UNC5D: variants seen among roughly 807,000 people sequenced by gnomAD.
The protein encoded by UNC5D is netrin receptor UNC5D.
UNC5D carries 39 observed loss-of-function variants against 105.4 expected under a neutral mutation model. The observed-to-expected ratio is 0.37, with a 90% CI of 0.29 to 0.48. UNC5D has a LOEUF of 0.48. UNC5D is among the 20% of genes least tolerant of loss of function. The probability of loss-of-function intolerance (pLI) is 0.98; values close to 1 mark genes in which losing one functional copy is unlikely to be tolerated. For missense variants in UNC5D, 991 were observed against 1,202.4 expected (o/e 0.82, Z 2.60); for synonymous variants, 452 against 450.4 (o/e 1.00, Z -0.04).
Position 35,791,717 on chromosome 8 carries a change from A to C in UNC5D, c.*1154A>C, listed in dbSNP as rs533679119. On this transcript the variant is annotated 3_prime_UTR_variant, in exon 17 of 17. Transcript: ENST00000404895. Reference sequence around the variant, plus strand: ...ATAGACTTGAGGAATCCTCTACCACAGTGTCCCTGAAACCACATGCATCAT... The same window carrying C: ...ATAGACTTGAGGAATCCTCTACCACCGTGTCCCTGAAACCACATGCATCAT... The C allele has an allele frequency of 2.0e-5, 3 of 152,264 alleles. No homozygotes were observed. In the East Asian group the frequency reaches 5.8e-4, roughly 29 times the overall value. 9.4% of individuals were successfully genotyped at this position (152,264 alleles called of 1,614,324 possible). A position where few individuals can be genotyped will look rare whatever the true frequency, so the allele number is the denominator to read the frequency against.
rs569115625 is a variant in UNC5D at position 35,437,538 on chromosome 8, G to A, written c.104-111754G>A. 3.7e-4 allele frequency among the ~76,000 whole-genome samples: 57 copies of A among 152,012 alleles called. 1 individual carries two copies. In the South Asian group the frequency reaches 6.2e-3, roughly 17 times the overall value. On this transcript the variant is annotated intron_variant, in intron 1 of 16. Transcript: ENST00000404895. Reference sequence around the variant, plus strand: ...TAAACCATTAAATATGCTAATATCCGTCCCAGGATCAAGGCCAACCAACAT... The same window carrying A: ...TAAACCATTAAATATGCTAATATCCATCCCAGGATCAAGGCCAACCAACAT...
At chr8:35,375,283 T>C (rs1802634190) in intron 1 of UNC5D, among the ~76,000 whole-genome samples, 1 of 152,186 alleles carries the variant, frequency 6.6e-6, no homozygotes, top group African/African-American at 2.4e-5. Flanking sequence ...AAAATGTCTG[T>C]TAAAGGCACC....
chr8:35,671,059 C>T (rs920671830), intron 4 of UNC5D, among the ~76,000 whole-genome samples: 11 of 151,986 alleles, frequency 7.2e-5, no homozygotes, highest in African/African-American at 2.7e-4. Flanking sequence ...ATGTGAGTCT[C>T]CCTTCTGTCC....
intron 1 of UNC5D, among the ~76,000 whole-genome samples, chr8:35,315,245 T>A (rs1444114600): frequency 1.3e-5 from 2 of 152,190 alleles, no homozygotes; most frequent in Non-Finnish European, 2.9e-5. Context: ...CCCCATAACT[T>A]AGTAACTTAA....
At chr8:35,272,017 G>A (rs1170733290) in intron 1 of UNC5D, among the ~76,000 whole-genome samples, 1 of 151,882 alleles carries the variant, frequency 6.6e-6, no homozygotes, top group East Asian at 1.9e-4. Context: ...GCCTTGGTTA[G>A]GTGTAACATA....
intron 1 of UNC5D, among the ~76,000 whole-genome samples, chr8:35,396,110 T>G (rs750284299): frequency 6.6e-6 from 1 of 152,146 alleles, no homozygotes; most frequent in Non-Finnish European, 1.5e-5. Context: ...GAGGTATTTA[T>G]CTCACATTGC....
chr8:35,528,674 G>A (rs1442620314), intron 1 of UNC5D, among the ~76,000 whole-genome samples: 4 of 147,022 alleles, frequency 2.7e-5, no homozygotes, highest in African/African-American at 1.0e-4. Context: ...CAGTGTAAAA[G>A]TGTTCTTATT....
At chr8:35,587,302 A>C (rs1018708320) in intron 3 of UNC5D, among the ~76,000 whole-genome samples, 2 of 152,120 alleles carry the variant, frequency 1.3e-5, no homozygotes, top group African/African-American at 4.8e-5. Context: ...ACACACACAC[A>C]CAATGTGTGT....
At chr8:35,240,327 C>A (rs1381427667) in intron 1 of UNC5D, among the ~76,000 whole-genome samples, 1 of 152,060 alleles carries the variant, frequency 6.6e-6, no homozygotes, top group Non-Finnish European at 1.5e-5. Flanking sequence ...TTGTATTGTA[C>A]CTGTTCCTTA....
intron 1 of UNC5D, among the ~76,000 whole-genome samples, chr8:35,534,582 A>G (rs1458022178): frequency 6.6e-6 from 1 of 151,672 alleles, no homozygotes; most frequent in South Asian, 2.1e-4. Context: ...ATTTACTTCA[A>G]GATCAATTCA....
chr8:35,665,254 A>G (rs1946745), intron 4 of UNC5D, among the ~76,000 whole-genome samples: 135,785 of 152,200 alleles, frequency 0.89, 60,626 homozygotes, highest in East Asian at 0.94. Context: ...AAGGAGTTAC[A>G]ACTTCCTTTC....
intron 1 of UNC5D, among the ~76,000 whole-genome samples, chr8:35,271,055 C>T (rs911735857): frequency 6.6e-6 from 1 of 151,474 alleles, no homozygotes; most frequent in Non-Finnish European, 1.5e-5. Flanking sequence ...GTAATCATAA[C>T]TGATATTTTA....
chr8:35,283,708 G>A (rs1806372984), intron 1 of UNC5D, among the ~76,000 whole-genome samples: 1 of 151,922 alleles, frequency 6.6e-6, no homozygotes, highest in Non-Finnish European at 1.5e-5. Context: ...GGAGGCTGAG[G>A]CAGGAGAATC....
chr8:35,505,600 G>C (rs1263945190), intron 1 of UNC5D, among the ~76,000 whole-genome samples: 1 of 152,224 alleles, frequency 6.6e-6, no homozygotes, highest in Non-Finnish European at 1.5e-5. Flanking sequence ...TGGATACTAG[G>C]AGGGTGAGCA....
At chr8:35,368,260 T>C (rs1585682642) in intron 1 of UNC5D, among the ~76,000 whole-genome samples, 1 of 152,202 alleles carries the variant, frequency 6.6e-6, no homozygotes, top group South Asian at 2.1e-4. Context: ...AAACTGGTTT[T>C]AGAGCTCCTC....
intron 4 of UNC5D, among the ~76,000 whole-genome samples, chr8:35,604,937 C>T (rs1457332115): frequency 6.6e-6 from 1 of 152,098 alleles, no homozygotes; most frequent in Non-Finnish European, 1.5e-5. Flanking sequence ...TTCTAGTTTT[C>T]CATTTGTCTA....
intron 4 of UNC5D, among the ~76,000 whole-genome samples, chr8:35,641,327 A>G (rs955766677): frequency 7.1e-6 from 1 of 141,614 alleles, no homozygotes; most frequent in Non-Finnish European, 1.5e-5. Flanking sequence ...TTGTGGCTGT[A>G]TGATGTATCT....
intron 4 of UNC5D, among the ~76,000 whole-genome samples, chr8:35,610,552 T>G (rs913814833): frequency 6.6e-6 from 1 of 152,134 alleles, no homozygotes; most frequent in African/African-American, 2.4e-5. Context: ...CATCACTCTG[T>G]CCTTCGAAGG....
intron 1 of UNC5D, among the ~76,000 whole-genome samples, chr8:35,363,154 G>T (rs545889691): frequency 1.5e-4 from 23 of 152,176 alleles, no homozygotes; most frequent in African/African-American, 4.3e-4. Context: ...CCACGCTGCT[G>T]ATAAAGACAT....
Sources: gnomAD v4.1 joint callset for allele counts (sites outside exome capture counted in the v4.1 genomes callset) on GRCh38, gnomAD v4.1.1 for gene constraint, MANE v1.5 for transcripts, NCBI Gene and HGNC (gene_info 2026-07-23, HGNC 2026-07-21) for gene names.